Variants in CSMD3 observed in about 807,000 individuals in gnomAD.
CSMD3 encodes the protein CUB and sushi domain-containing protein 3.
CSMD3 carries 177 observed loss-of-function variants against 435.2 expected under a neutral mutation model. That is an observed-to-expected ratio of 0.41 (90% confidence interval 0.36 to 0.46). The LOEUF (loss-of-function observed/expected upper bound fraction) is 0.46, where lower values mean the gene tolerates loss of function less well. Among genes scored for constraint, CSMD3 ranks in the 20% least tolerant of loss-of-function variants. CSMD3 has a pLI of 0.34. For missense variants in CSMD3, 4,265 were observed against 4,504.6 expected, an observed-to-expected ratio of 0.95 and a Z score of 1.52; for synonymous variants, 1,656 against 1,520.5, an observed-to-expected ratio of 1.09 and a Z score of -2.07.
chr8:112,822,582 A>G (rs555453827), intron 12 of CSMD3, among the ~76,000 whole-genome samples: 1 of 152,232 alleles, frequency 6.6e-6, no homozygotes, highest in South Asian at 2.1e-4. Context: ...TAAATATAGA[A>G]TCATGTCATC....
At chr8:113,168,526 A>AAAAAAAAC (rs2092203034) in intron 4 of CSMD3, among the ~76,000 whole-genome samples, 1 of 145,368 alleles carries the variant, frequency 6.9e-6, no homozygotes, top group Non-Finnish European at 1.5e-5. Context: ...TCTCAAAAAA[A>AAAAAAAAC]AAAAAAAAAA....
At chr8:112,426,266 T>A (rs564774677) in intron 32 of CSMD3, among the ~76,000 whole-genome samples, 2 of 152,026 alleles carry the variant, frequency 1.3e-5, no homozygotes, top group East Asian at 3.9e-4. Flanking sequence ...GGGTGAAAAC[T>A]TTTTTTTAAG....
intron 32 of CSMD3, among the ~76,000 whole-genome samples, chr8:112,411,292 G>A (rs529249636): frequency 2.6e-5 from 4 of 151,930 alleles, no homozygotes; most frequent in African/African-American, 9.6e-5. Context: ...TGTAGGGCAT[G>A]CTCTTTTAAG....
chr8:112,490,038 C>G (rs1362479748), intron 31 of CSMD3, among the ~76,000 whole-genome samples: 3 of 152,092 alleles, frequency 2.0e-5, no homozygotes, highest in African/African-American at 7.2e-5. Flanking sequence ...TTAACCAAAA[C>G]ATAACACCTG....
At chr8:112,769,842 T>C (rs981398495) in intron 13 of CSMD3, among the ~76,000 whole-genome samples, 1 of 151,864 alleles carries the variant, frequency 6.6e-6, no homozygotes, top group Admixed American at 6.6e-5. Context: ...TTATAAAATA[T>C]TTTTTCACAC....
intron 6 of CSMD3, among the ~76,000 whole-genome samples, chr8:112,981,020 T>G (rs2085031611): frequency 6.6e-6 from 1 of 151,454 alleles, no homozygotes; most frequent in African/African-American, 2.4e-5. Context: ...ACTAGGAGAA[T>G]TTTAAGTAAA....
chr8:112,678,595 T>C (rs182494514), intron 16 of CSMD3, among the ~76,000 whole-genome samples: 3 of 152,188 alleles, frequency 2.0e-5, no homozygotes, highest in Non-Finnish European at 4.4e-5. Context: ...AATCTTTAAG[T>C]GGATTGAGGT....
chr8:112,595,318 A>C (rs1456502526), intron 22 of CSMD3, among the ~76,000 whole-genome samples: 2 of 150,668 alleles, frequency 1.3e-5, no homozygotes, highest in African/African-American at 4.9e-5. Flanking sequence ...TTAGAGAAAA[A>C]AGAATAACAA....
intron 61 of CSMD3, among the ~76,000 whole-genome samples, chr8:112,257,777 CTACTT>C (rs1815950108): frequency 6.6e-6 from 1 of 152,132 alleles, no homozygotes; most frequent in Non-Finnish European, 1.5e-5. Context: ...ATTGGAAAAA[CTACTT>C]TAAACTTCAA....
At chr8:113,385,014 G>A (rs1176500443) in intron 1 of CSMD3, among the ~76,000 whole-genome samples, 3 of 152,106 alleles carry the variant, frequency 2.0e-5, no homozygotes, top group African/African-American at 7.2e-5. Context: ...ATATGATAAT[G>A]AAAGACAGGA....
rs532868728 is a variant in CSMD3, at chr8:112,561,381, C to A, written c.4043-4427G>T. Among the ~76,000 whole-genome samples the A allele has an allele frequency of 7.9e-5, 12 of 151,656 alleles. 1 individual carries two copies. In the South Asian group the frequency reaches 2.5e-3, roughly 31 times the overall value. On this transcript the variant is annotated intron_variant, in intron 24 of 70. Transcript: ENST00000297405. ...CTAGATGTTTTTGATTTTCTGAATA[C>A]CTTAAACTGAGATTTCATTCCTTTC...
chr8:113,071,495 A>G (rs1337337787), intron 5 of CSMD3, among the ~76,000 whole-genome samples: 1 of 151,874 alleles, frequency 6.6e-6, no homozygotes, highest in East Asian at 1.9e-4. Flanking sequence ...ATATTTGCAT[A>G]TGGTGTGAGA....
chr8:112,948,537 T>C (rs1236750245), intron 8 of CSMD3, among the ~76,000 whole-genome samples: 1 of 152,022 alleles, frequency 6.6e-6, no homozygotes, highest in Admixed American at 6.6e-5. Flanking sequence ...GTCAAAGATG[T>C]ATTAATTTTT....
At position 112,526,190 on chromosome 8, in the gene CSMD3, G is replaced by C. The variant is rs185384679; in HGVS notation, c.4565-8965C>G. Among the ~76,000 whole-genome samples the C allele has an allele frequency of 1.6e-4, 24 of 151,816 alleles. No homozygotes were observed. In the East Asian group the frequency reaches 4.5e-3, roughly 28 times the overall value. ...CTAACTGAATATTTTAAGATATTCA[G>C]TGGATTTTAATGAATAGCTATCAAA... On this transcript the variant is annotated intron_variant, in intron 27 of 70. Transcript: ENST00000297405.
At chr8:113,145,869 C>T (rs2091661940) in intron 4 of CSMD3, among the ~76,000 whole-genome samples, 1 of 151,488 alleles carries the variant, frequency 6.6e-6, no homozygotes, top group South Asian at 2.1e-4. Context: ...GTTGGCCACA[C>T]AGGCATAGTT....
chr8:112,616,405 C>T (rs752890770), intron 22 of CSMD3, among the ~76,000 whole-genome samples: 5 of 152,034 alleles, frequency 3.3e-5, no homozygotes, highest in African/African-American at 7.2e-5. Flanking sequence ...TTGTGATCTT[C>T]GAACTGCACA....
chr8:112,253,483 G>T (rs1815469028), intron 63 of CSMD3, among the ~76,000 whole-genome samples: 1 of 152,016 alleles, frequency 6.6e-6, no homozygotes, highest in Non-Finnish European at 1.5e-5. Flanking sequence ...CTTTAGAAAT[G>T]GATGGTCTTC....
chr8:112,610,829 G>A (rs1833199285), intron 22 of CSMD3, among the ~76,000 whole-genome samples: 1 of 152,104 alleles, frequency 6.6e-6, no homozygotes, highest in Admixed American at 6.6e-5. Flanking sequence ...TTCATGCCCT[G>A]GGAGTATACT....
At chr8:113,072,139 T>G (rs1373118722) in intron 5 of CSMD3, among the ~76,000 whole-genome samples, 1 of 151,850 alleles carries the variant, frequency 6.6e-6, no homozygotes, top group Non-Finnish European at 1.5e-5. Context: ...AACTAATTTT[T>G]GCATGTTGAT....
Sources: allele counts gnomAD v4.1 joint callset (sites outside exome capture counted in the v4.1 genomes callset), GRCh38; gene constraint gnomAD v4.1.1; transcripts MANE v1.5; gene names NCBI Gene and HGNC (gene_info 2026-07-23, HGNC 2026-07-21).